Variants in TALDO1 observed in about 807,000 individuals in gnomAD.
TALDO1 encodes the protein transaldolase.
TALDO1 carries 29 observed loss-of-function variants against 38.1 expected under a neutral mutation model. That is an observed-to-expected ratio of 0.76 (90% CI 0.57 to 1.04). The LOEUF is 1.04. Among genes scored for constraint, TALDO1 ranks in the 50% least tolerant of loss-of-function variants. The pLI is 0.00. For synonymous variants in TALDO1, 207 were observed against 176.8 expected (o/e 1.17, Z -1.36); for missense variants, 499 against 438.1 (o/e 1.14, Z -1.24).
At chr11:760,363 C>G (rs1233880415) in intron 4 of TALDO1, 110 bp downstream of exon 4, 4 of 1,524,818 alleles carry the variant, frequency 2.6e-6, no homozygotes, top group Non-Finnish European at 3.6e-6. Context: ...GAATGCCAGA[C>G]TGGGGAGCAC....
chr11:750,401 T>TAAGCCTCC, intron 1 of TALDO1, among the ~76,000 whole-genome samples: 1 of 151,552 alleles, frequency 6.6e-6, no homozygotes, highest in Non-Finnish European at 1.5e-5. Context: ...GTTGGGAGGA[T>TAAGCCTCC]CACTTAAGCC....
rs957963121 is a variant in TALDO1, at chr11:764,669, T to C, written c.982-144T>C. ...TCCTCTCTGGCCTGTGTGGTGACTG[T>C]GGTATTGGCCACCCTGTGGCCGTGG... is the stretch of plus-strand genomic sequence containing the variant. On this transcript the variant is annotated intron_variant, in intron 7 of 7. Coordinates refer to ENST00000319006, the MANE Select transcript of TALDO1 (RefSeq NM_006755.2). 2.3e-5 allele frequency: 32 copies of C among 1,396,968 alleles called. No individual in the cohort carries two copies. In the Admixed American group the frequency reaches 4.7e-4, roughly 20 times the overall value. 86.5% of individuals were successfully genotyped at this position (1,396,968 alleles called of 1,614,324 possible).
chr11:764,102 A>T, intron 6 of TALDO1, 158 bp downstream of exon 6: 1 of 1,343,700 alleles, frequency 7.4e-7, no homozygotes, highest in South Asian at 1.3e-5. Context: ...CTTTCCTAAC[A>T]CATCTCACTC....
chr11:753,341 C>T (rs1038003469), intron 1 of TALDO1, among the ~76,000 whole-genome samples: 2 of 151,864 alleles, frequency 1.3e-5, no homozygotes, highest in African/African-American at 4.8e-5. Flanking sequence ...ACCATCCTGG[C>T]TAACACGGTG....
chr11:747,687 C>T (rs370080760), intron 1 of TALDO1, 109 bp downstream of exon 1: 9 of 980,042 alleles, frequency 9.2e-6, no homozygotes, highest in Non-Finnish European at 1.2e-5. Context: ...GGCGGTGCCC[C>T]GGGCGGCTCG....
intron 4 of TALDO1, among the ~76,000 whole-genome samples, chr11:762,629 G>A (rs982395737): frequency 3.0e-4 from 45 of 152,234 alleles, no homozygotes; most frequent in Non-Finnish European, 5.9e-4. Context: ...ATGTGGCAGA[G>A]GCGCCTGGGG....
chr11:760,372 A>G, intron 4 of TALDO1, 119 bp downstream of exon 4: 1 of 1,480,328 alleles, frequency 6.8e-7, no homozygotes, highest in Non-Finnish European at 9.2e-7. Flanking sequence ...ACTGGGGAGC[A>G]CAGCCCACAG....
Position 763,485 on chromosome 11 carries a change from C to G in TALDO1, c.603C>G (p.Thr201=), listed in dbSNP as rs367566662. Residue 201 remains threonine (T), a synonymous_variant, in exon 5 of 8, where the codon ACC becomes ACG. Transcript: ENST00000319006. ...TCCTTGATTGGCATGTGGCAAACAC[C>G]GACAAGAAATCCTATGAGCCCCTGG... ...GRILDWHVAN[T]DKKSYEPLED... is the part of the protein sequence containing the mutation. 1.9e-6 allele frequency: 3 copies of G among 1,613,586 alleles called. No individual in the cohort carries two copies. The African/African-American group carries it at 4.0e-5, about 22-fold the overall frequency.
At chr11:755,706 T>G in intron 1 of TALDO1, 173 bp from the exon 2 acceptor site, 2 of 883,750 alleles carry the variant, frequency 2.3e-6, no homozygotes, top group Non-Finnish European at 1.8e-6. Context: ...AACAGCCGCC[T>G]CTTGATGAAC....
Position 760,171 on chromosome 11 carries a change from G to C in TALDO1, c.379G>C (p.Glu127Gln). ...AMVARARRLI[E>Q]LYKEAGISKD... ...GGTGGCCAGAGCCAGGCGGCTCATCGAGCTCTACAAGGAAGCTGGGATCAG... is the reference window on the plus strand; with the variant it reads ...GGTGGCCAGAGCCAGGCGGCTCATCCAGCTCTACAAGGAAGCTGGGATCAG... Residue 127 changes from glutamate (E) to glutamine (Q), a missense_variant, in exon 4 of 8, where the codon GAG becomes CAG. Physicochemically the swap from Glu to Gln is conservative, Grantham distance 29. Transcript: ENST00000319006. 6.2e-7 allele frequency: 1 copy of C among 1,614,170 alleles called. No homozygotes were observed. The highest frequency in any genetic ancestry group is 8.5e-7 in the Non-Finnish European group (1 of 1,180,020).
In TALDO1 at chr11:756,108, A is replaced by AG. The variant is rs1003108850; in HGVS notation, c.221+112dup. On this transcript the variant is annotated intron_variant, in intron 2 of 7. Coordinates refer to ENST00000319006, the MANE Select transcript of TALDO1 (RefSeq NM_006755.2). ...TTAGTTCTCAAACACCATGAACTCA[A>AG]GGGGGGAAAAAAACCCTATCTTTTT... is the stretch of plus-strand genomic sequence containing the variant. The AG allele has an allele frequency of 5.5e-6, 8 of 1,467,140 alleles. No individual in the cohort carries two copies. In the African/African-American group the frequency reaches 5.7e-5, roughly 10 times the overall value. The allele number at this position is 1,467,140 out of a possible 1,614,324, so 90.9% of individuals were successfully genotyped here. A position where few individuals can be genotyped will look rare whatever the true frequency, so the allele number is the denominator to read the frequency against.
At chr11:764,479 G>A (rs1863014008) in intron 7 of TALDO1, 46 bp downstream of exon 7, 1 of 1,604,646 alleles carries the variant, frequency 6.2e-7, no homozygotes, top group Admixed American at 1.7e-5. Context: ...CCCTATGAGA[G>A]CCCGGGCCTG....
At position 763,672 on chromosome 11, in the gene TALDO1, C is replaced by A. The variant is rs544717523; in HGVS notation, c.638-75C>A. ...GGGTGGCGGCTCAAGGTAGTGCAGC[C>A]GGCAGGCACTGGGAGGGCAGGTGGG... is the stretch of plus-strand genomic sequence containing the variant. On this transcript the variant is annotated intron_variant, in intron 5 of 7. Transcript: ENST00000319006. 8 of 1,580,568 alleles carry A rather than the reference C, an allele frequency of 5.1e-6. No homozygotes were observed. The African/African-American group carries it at 9.4e-5, about 19-fold the overall frequency.
chr11:749,983 C>T (rs1055253839), intron 1 of TALDO1, among the ~76,000 whole-genome samples: 1 of 152,200 alleles, frequency 6.6e-6, no homozygotes, highest in Non-Finnish European at 1.5e-5. Context: ...ATGGTGACAT[C>T]TCATGTGACC....
Position 755,892 on chromosome 11 carries a change from C to T in TALDO1, c.111C>T (p.Tyr37=). The change falls in exon 2 of 8, where the codon TAC becomes TAT. Residue 37 remains tyrosine, a synonymous_variant. Coordinates refer to ENST00000319006, the MANE Select transcript of TALDO1 (RefSeq NM_006755.2). ...CTATTTCCCTAGCCATCGACGAGTACAAGCCCCAGGATGCTACCACCAACC... is the reference window on the plus strand; with the variant it reads ...CTATTTCCCTAGCCATCGACGAGTATAAGCCCCAGGATGCTACCACCAACC... The part of the protein sequence containing the change: ...DTGDFHAIDE[Y]KPQDATTNPS... 1 of 1,614,204 alleles carries T rather than the reference C, an allele frequency of 6.2e-7. No individual in the cohort carries two copies. The highest frequency in any genetic ancestry group is 8.5e-7 in the Non-Finnish European group (1 of 1,180,040).
intron 1 of TALDO1, among the ~76,000 whole-genome samples, chr11:750,403 A>AGGAGGCTGC (rs1436301866): frequency 6.6e-6 from 1 of 152,016 alleles, no homozygotes; most frequent in Non-Finnish European, 1.5e-5. Context: ...TGGGAGGATC[A>AGGAGGCTGC]CTTAAGCCCA....
intron 4 of TALDO1, 26 bp downstream of exon 4, chr11:760,279 G>A (rs376002278): frequency 9.3e-6 from 15 of 1,612,550 alleles, no homozygotes; most frequent in African/African-American, 1.3e-5. Context: ...CAAGGAAGGA[G>A]CTCTCAGAGA....
rs1410172790 is a variant in TALDO1, at chr11:763,373, G to A, written c.491G>A (p.Cys164Tyr). The change falls in exon 5 of 8, where the codon TGC becomes TAC. Residue 164 changes from cysteine to tyrosine, a missense_variant. By Grantham distance (194) the Cys-to-Tyr change is radical. Coordinates refer to ENST00000319006, the MANE Select transcript of TALDO1 (RefSeq NM_006755.2). The stretch of plus-strand genomic sequence containing the variant: ...CTCGAGGAGCAGCACGGCATCCACT[G>A]CAACATGACGTTACTCTTCTCCTTC... ...KELEEQHGIH[C>Y]NMTLLFSFAQ... 14 of 1,607,920 alleles carry A rather than the reference G, an allele frequency of 8.7e-6. No homozygotes were observed. Among genetic ancestry groups the A allele is most frequent in the Non-Finnish European group, 1.1e-5 (13 of 1,176,996 alleles).
chr11:763,705 C>T, intron 5 of TALDO1, 42 bp from the exon 6 acceptor site: 21 of 1,607,490 alleles, frequency 1.3e-5, no homozygotes, highest in Non-Finnish European at 1.7e-5. Context: ...GGGGTGGTAC[C>T]TCTGCCGAAG....
Sources: allele counts gnomAD v4.1 joint callset (sites outside exome capture counted in the v4.1 genomes callset), GRCh38; gene constraint gnomAD v4.1.1; transcripts MANE v1.5; gene names NCBI Gene and HGNC (gene_info 2026-07-23, HGNC 2026-07-21).